The following PDE8B variants were observed in gnomAD, a reference collection of about 807,000 sequenced individuals.
PDE8B encodes high affinity cAMP-specific and IBMX-insensitive 3',5'-cyclic phosphodiesterase 8B.
PDE8B carries 26 observed loss-of-function variants against 101.3 expected under a neutral mutation model. That is an observed-to-expected ratio of 0.26 (90% CI 0.19 to 0.36). PDE8B has a LOEUF of 0.36. Among genes scored for constraint, PDE8B ranks in the 10% least tolerant of loss-of-function variants. PDE8B has a pLI of 1.00. For missense variants in PDE8B, 810 were observed against 1,163.1 expected (o/e 0.70, Z 4.42); for synonymous variants, 424 against 429.3 (o/e 0.99, Z 0.15).
chr5:77,102,907 A>T, the PDE8B span, among the ~76,000 whole-genome samples: 2 of 152,220 alleles, frequency 1.3e-5, no homozygotes, highest in Non-Finnish European at 2.9e-5. Context: ...TGCGTGGCCA[A>T]GATGCCAGCA....
intron 1 of PDE8B, among the ~76,000 whole-genome samples, chr5:77,221,568 C>T (rs541615066): frequency 3.3e-5 from 5 of 152,232 alleles, no homozygotes; most frequent in South Asian, 2.1e-4. Flanking sequence ...CTCTTATTAA[C>T]GATCATTGCT....
At chr5:77,298,136 C>T (rs1285093517) in intron 1 of PDE8B, among the ~76,000 whole-genome samples, 2 of 152,214 alleles carry the variant, frequency 1.3e-5, no homozygotes, top group African/African-American at 4.8e-5. Context: ...ACTATCTCCC[C>T]TCAGGGGCCC....
chr5:77,400,799 C>T (rs1276723823), intron 11 of PDE8B, among the ~76,000 whole-genome samples: 5 of 152,124 alleles, frequency 3.3e-5, no homozygotes, highest in African/African-American at 1.2e-4. Context: ...TTCTTGGCTT[C>T]CTCCATAAAA....
intron 10 of PDE8B, among the ~76,000 whole-genome samples, chr5:77,361,872 CTCAT>C (rs1783166898): frequency 6.6e-6 from 1 of 152,152 alleles, no homozygotes; most frequent in Admixed American, 6.5e-5. Context: ...CAAGACTCCA[CTCAT>C]TCATTAACTG....
chr5:77,392,374 A>G (rs1790122944), intron 10 of PDE8B, among the ~76,000 whole-genome samples: 1 of 152,118 alleles, frequency 6.6e-6, no homozygotes, highest in South Asian at 2.1e-4. Flanking sequence ...TTAAGAACAG[A>G]AGCCCTGTCT....
At chr5:77,326,151 G>T (rs909280399) in intron 3 of PDE8B, among the ~76,000 whole-genome samples, 4 of 152,202 alleles carry the variant, frequency 2.6e-5, no homozygotes, top group Non-Finnish European at 5.9e-5. Flanking sequence ...ACACAGATGG[G>T]TAGATCCCAT....
At position 77,211,033 on chromosome 5, in the gene PDE8B, G is replaced by C. The variant is rs1307992285; in HGVS notation, c.108G>C (p.Pro36=). 2 of 1,541,968 alleles carry C rather than the reference G, an allele frequency of 1.3e-6. No individual in the cohort carries two copies. Among genetic ancestry groups the C allele is most frequent in the East Asian group, 2.6e-5 (1 of 38,904 alleles). Residue 36 remains proline (P), a synonymous_variant, in exon 1 of 22, where the codon CCG becomes CCC. Transcript: ENST00000264917. The surrounding 1 kb of genome is among the most constrained non-coding windows in gnomAD (Gnocchi z 4.1). ...AGACCACCAGCGTGTCGCAGGGCCC[G>C]GCGGCACCCCTGCCCGGCCTCTTCG... ...PRQTTSVSQG[P]AAPLPGLFVQ...
chr5:77,195,852 AGTAAAC>A, the PDE8B span, among the ~76,000 whole-genome samples: 7 of 152,232 alleles, frequency 4.6e-5, no homozygotes, highest in African/African-American at 1.4e-4. Context: ...CTTCATGTTG[AGTAAAC>A]AGAGGACAAG....
chr5:77,255,919 C>G (rs1759061832), intron 1 of PDE8B, among the ~76,000 whole-genome samples: 1 of 152,220 alleles, frequency 6.6e-6, no homozygotes, highest in Admixed American at 6.5e-5. Flanking sequence ...ATTGATTTCT[C>G]TGCCCTGGGC....
the PDE8B span, among the ~76,000 whole-genome samples, chr5:77,201,244 T>C: frequency 6.6e-6 from 1 of 152,202 alleles, no homozygotes; most frequent in Non-Finnish European, 1.5e-5. Flanking sequence ...AAGGAAGTCT[T>C]GGCAGAAACT....
chr5:77,405,208 AG>A (rs1793175266), intron 12 of PDE8B, among the ~76,000 whole-genome samples: 1 of 152,372 alleles, frequency 6.6e-6, no homozygotes, highest in African/African-American at 2.4e-5. Flanking sequence ...AATGTCACAG[AG>A]AAATCGTGAG....
At chr5:77,402,908 C>G (rs1792599132) in intron 11 of PDE8B, among the ~76,000 whole-genome samples, 3 of 152,310 alleles carry the variant, frequency 2.0e-5, no homozygotes, top group Admixed American at 2.0e-4. Context: ...CCTGCTGTCA[C>G]TAGGCAATTC....
the PDE8B span, among the ~76,000 whole-genome samples, chr5:77,094,082 C>T: frequency 7.2e-5 from 11 of 151,904 alleles, no homozygotes; most frequent in South Asian, 1.3e-3. Context: ...ATGTTACCTT[C>T]GGAACCTGTA....
chr5:77,226,119 T>C (rs1389220667), intron 1 of PDE8B, among the ~76,000 whole-genome samples: 1 of 152,236 alleles, frequency 6.6e-6, no homozygotes, highest in Non-Finnish European at 1.5e-5. Flanking sequence ...TTATTTCATT[T>C]TCCTTTTGAT....
At chr5:77,387,538 ATGTCTTGGGG>A (rs1278717936) in intron 10 of PDE8B, among the ~76,000 whole-genome samples, 1 of 151,680 alleles carries the variant, frequency 6.6e-6, no homozygotes, top group East Asian at 1.9e-4. Flanking sequence ...CACCAATTAC[ATGTCTTGGGG>A]TGTCTTGGGG....
intron 1 of PDE8B, among the ~76,000 whole-genome samples, chr5:77,244,351 T>A (rs954405242): frequency 6.6e-6 from 1 of 152,120 alleles, no homozygotes; most frequent in African/African-American, 2.4e-5. Flanking sequence ...GGCTGCAGCC[T>A]TGGGGTACTC....
At chr5:77,204,281 T>G in the PDE8B span, among the ~76,000 whole-genome samples, 1 of 151,740 alleles carries the variant, frequency 6.6e-6, no homozygotes, top group African/African-American at 2.4e-5. Context: ...TGTGGTGGCA[T>G]GCACCTGTAT....
chr5:77,380,648 T>C (rs1262458809), intron 10 of PDE8B, among the ~76,000 whole-genome samples: 4 of 152,264 alleles, frequency 2.6e-5, no homozygotes, highest in African/African-American at 9.6e-5. Context: ...GGATTCATTT[T>C]ATATTAGCTT....
the PDE8B span, chr5:77,145,453 G>A: frequency 6.6e-6 from 1 of 152,172 alleles, no homozygotes; most frequent in Non-Finnish European, 1.5e-5. Context: ...TAGAGAAAAA[G>A]CTAAGTAGTG....
Sources: gnomAD v4.1 joint callset for allele counts (sites outside exome capture counted in the v4.1 genomes callset) on GRCh38, gnomAD v4.1.1 for gene constraint, Gnocchi (gnomAD v3.1) non-coding constraint, MANE v1.5 for transcripts, NCBI Gene and HGNC (gene_info 2026-07-23, HGNC 2026-07-21) for gene names.